The following DNAH17 variants were observed in gnomAD, a reference collection of about 807,000 sequenced individuals.
The protein encoded by DNAH17 is axonemal beta dynein heavy chain 17.
In DNAH17, 376 loss-of-function variants were observed where a neutral mutation model predicts 485.6. The ratio of observed to expected loss-of-function variants is 0.77; its 90% CI spans 0.71 to 0.84. The LOEUF (loss-of-function observed/expected upper bound fraction) is 0.84, where lower values mean the gene tolerates loss of function less well. Ranked by LOEUF, DNAH17 falls within the 40% of genes least tolerant of loss-of-function variation. The pLI is 0.00. For missense variants in DNAH17, 6,370 were observed against 5,839.3 expected (o/e 1.09, Z -2.96); for synonymous variants, 3,031 against 2,405.9 (o/e 1.26, Z -7.60).
chr17:78,571,872 C>T, intron 3 of DNAH17, 90 bp from the exon 4 acceptor site: 1 of 1,267,566 alleles, frequency 7.9e-7, no homozygotes, highest in Non-Finnish European at 1.1e-6. Context: ...GCCCACCAAT[C>T]CCAAACCACC....
chr17:78,555,277 T>C (rs1308228686), intron 14 of DNAH17, among the ~76,000 whole-genome samples: 1 of 152,140 alleles, frequency 6.6e-6, no homozygotes, highest in Non-Finnish European at 1.5e-5. Context: ...CAGTGGTCTC[T>C]TCCCAGTCGA....
At position 78,440,902 on chromosome 17, in the gene DNAH17, C is replaced by T; in HGVS notation, c.11677+149G>A. On this transcript the variant is annotated intron_variant, in intron 72 of 80. Coordinates refer to ENST00000389840, the MANE Select transcript of DNAH17 (RefSeq NM_173628.4). ...AGGCCTCACAACTCGTGTTATTTTC[C>T]TGTTCTTGATCATTGCCATCCTACC... 4.1e-6 allele frequency: 4 copies of T among 976,108 alleles called. 1 individual carries two copies. The highest frequency in any genetic ancestry group is 2.2e-4 in the Middle Eastern group (1 of 4,560). The allele number at this position is 976,108 out of a possible 1,614,324, so 60.5% of individuals were successfully genotyped here. A position where few individuals can be genotyped will look rare whatever the true frequency, so the allele number is the denominator to read the frequency against.
At chr17:78,484,820 TCACCGCCCC>T (rs541707708) in intron 48 of DNAH17, 39 bp downstream of exon 48, 1 of 1,208,776 alleles carries the variant, frequency 8.3e-7, no homozygotes, top group African/African-American at 1.7e-5. Context: ...GGCCCCGCCC[TCACCGCCCC>T]GGGGCCACGC....
intron 54 of DNAH17, among the ~76,000 whole-genome samples, chr17:78,471,450 C>CT (rs1354000292): frequency 6.6e-6 from 1 of 152,192 alleles, no homozygotes; most frequent in East Asian, 1.9e-4. Context: ...ACGAATCACT[C>CT]TTCTCATTTC....
At chr17:78,491,658 G>C (rs990615187) in intron 42 of DNAH17, 88 bp from the exon 43 acceptor site, 13 of 1,506,552 alleles carry the variant, frequency 8.6e-6, no homozygotes, top group African/African-American at 1.4e-5. Flanking sequence ...TCTCTCTCTG[G>C]GAGGGAGCCT....
intron 65 of DNAH17, among the ~76,000 whole-genome samples, chr17:78,452,363 C>T (rs73380049): frequency 0.021 from 3,265 of 152,240 alleles, 113 homozygotes; most frequent in African/African-American, 0.074. Context: ...ACAATGCGCC[C>T]GGCCACACGT....
chr17:78,454,824 C>A, intron 63 of DNAH17, 119 bp from the exon 64 acceptor site: 1 of 837,882 alleles, frequency 1.2e-6, no homozygotes, highest in South Asian at 1.7e-5. Flanking sequence ...AGCAGGACGA[C>A]CTGGGAGAAG....
chr17:78,559,114 C>T (rs1339634685), intron 13 of DNAH17, among the ~76,000 whole-genome samples: 1 of 152,224 alleles, frequency 6.6e-6, no homozygotes, highest in African/African-American at 2.4e-5. Flanking sequence ...TTATAGCTGC[C>T]TTGACCAGCC....
Position 78,569,183 on chromosome 17 carries a change from G to T in DNAH17, c.1267C>A (p.Arg423Ser). The stretch of plus-strand genomic sequence containing the variant: ...GTTTTTACCTCAATGGTCTGGATGC[G>T]CTGGAAGAAGGAATTTATCCTGGAA... ...AFSRINSFFQRIQTIEELYKT... is the reference protein window; with the variant it reads ...AFSRINSFFQSIQTIEELYKT... Residue 423 changes from arginine to serine, a missense_variant, in exon 9 of 81, where the codon CGC becomes AGC. Arg to Ser is a moderately radical substitution (Grantham distance 110). Coordinates refer to ENST00000389840, the MANE Select transcript of DNAH17 (RefSeq NM_173628.4). 1 of 1,605,082 alleles carries T rather than the reference G, an allele frequency of 6.2e-7. No individual in the cohort carries two copies.
At chr17:78,447,414 G>A (rs1164591382) in intron 69 of DNAH17, among the ~76,000 whole-genome samples, 2 of 152,280 alleles carry the variant, frequency 1.3e-5, no homozygotes, top group African/African-American at 2.4e-5. Flanking sequence ...GGCAGGGTCT[G>A]GGTCATTTTG....
At chr17:78,429,952 G>A (rs1409281341) in intron 75 of DNAH17, among the ~76,000 whole-genome samples, 1 of 152,134 alleles carries the variant, frequency 6.6e-6, no homozygotes, top group South Asian at 2.1e-4. Flanking sequence ...TCTGACCTAG[G>A]CTGCCCGGGC....
chr17:78,428,718 G>A lies in DNAH17; in HGVS notation c.12406-11C>T. On this transcript the variant is annotated splice_polypyrimidine_tract_variant and intron_variant, in intron 76 of 80. Transcript: ENST00000389840. ...GTATTCGTGGTAACCCTGAAAAAGA[G>A]GGCAGTTTGTAAGCAGAGGCAAAGC... 3 of 1,612,736 alleles carry A rather than the reference G, an allele frequency of 1.9e-6. No individual in the cohort carries two copies. The highest frequency in any genetic ancestry group is 2.5e-6 in the Non-Finnish European group (3 of 1,178,930).
In DNAH17 at chr17:78,468,796, G is replaced by A. The variant is rs1039855366; in HGVS notation, c.8599C>T (p.Gln2867Ter). ...AGGTCATTGATCAGCACCAGAAACTGCTCCTCGGCCACCTGGGAGTCTGTC... is the reference window on the plus strand; with the variant it reads ...AGGTCATTGATCAGCACCAGAAACTACTCCTCGGCCACCTGGGAGTCTGTC... The part of the protein sequence containing the change: ...LMTDSQVAEE[Q>*]FLVLINDLLA... The change falls in exon 55 of 81, where the codon CAG (glutamine) becomes TAG (stop). Residue 2867 changes from glutamine (Q) to a stop codon, truncating the protein, a stop_gained. Coordinates refer to ENST00000389840, the MANE Select transcript of DNAH17 (RefSeq NM_173628.4). LOFTEE classifies it high-confidence loss of function. 1 of 1,614,048 alleles carries A rather than the reference G, an allele frequency of 6.2e-7. No individual in the cohort carries two copies. Among genetic ancestry groups the A allele is most frequent in the East Asian group, 2.2e-5 (1 of 44,892 alleles).
intron 61 of DNAH17, 123 bp downstream of exon 61, chr17:78,458,878 C>T: frequency 8.4e-7 from 1 of 1,194,062 alleles, no homozygotes; most frequent in Non-Finnish European, 1.2e-6. Flanking sequence ...CCTGCATCCT[C>T]TTGCACTGCT....
At chr17:78,506,063 T>C (rs1217577797) in intron 30 of DNAH17, among the ~76,000 whole-genome samples, 1 of 152,174 alleles carries the variant, frequency 6.6e-6, no homozygotes, top group Non-Finnish European at 1.5e-5. Flanking sequence ...AGTCTATTCT[T>C]GCATATCCCT....
Position 78,462,937 on chromosome 17 carries a change from G to A in DNAH17, c.9081C>T (p.Tyr3027=), listed in dbSNP as rs771867411. 16 of 1,613,856 alleles carry A rather than the reference G, an allele frequency of 9.9e-6. No homozygotes were observed. Among genetic ancestry groups the A allele is most frequent in the Non-Finnish European group, 8.5e-7 (1 of 1,179,900 alleles). ...PKTFLEQIKL[Y]QNLLAKKRTE... The stretch of plus-strand genomic sequence containing the variant: ...TTCTCTTCTTGGCCAGCAGGTTCTG[G>A]TACAGTTTGATCTGCTCCAGAAAGG... Residue 3027 remains tyrosine, a synonymous_variant, in exon 57 of 81, where the codon TAC becomes TAT. Coordinates refer to ENST00000389840, the MANE Select transcript of DNAH17 (RefSeq NM_173628.4).
intron 54 of DNAH17, 57 bp from the exon 55 acceptor site, chr17:78,468,940 C>T: frequency 6.4e-7 from 1 of 1,562,550 alleles, no homozygotes; most frequent in Non-Finnish European, 8.6e-7. Flanking sequence ...CAATTAGAGA[C>T]ATCCTCCACA....
At position 78,459,949 on chromosome 17, in the gene DNAH17, T is replaced by A. The variant is rs1420231091; in HGVS notation, c.9488A>T (p.Asn3163Ile). ...CAGAATCATGACGGCGGCGGTGACGTTGACCACAGCATCCGGCGGGGACCC... is the reference window on the plus strand; with the variant it reads ...CAGAATCATGACGGCGGCGGTGACGATGACCACAGCATCCGGCGGGGACCC... ...SFGSPPDAVV[N>I]VTAAVMILTA... Residue 3163 changes from asparagine to isoleucine, a missense_variant, in exon 60 of 81, where the codon AAC becomes ATC. Asn to Ile is a moderately radical substitution (Grantham distance 149). Coordinates refer to ENST00000389840, the MANE Select transcript of DNAH17 (RefSeq NM_173628.4). 6.2e-7 allele frequency: 1 copy of A among 1,613,668 alleles called. No individual in the cohort carries two copies. The highest frequency in any genetic ancestry group is 1.1e-5 in the South Asian group (1 of 91,066).
At chr17:78,497,148 C>T (rs935491038) in intron 37 of DNAH17, 3 of 152,198 alleles carry the variant, frequency 2.0e-5, no homozygotes, top group East Asian at 1.9e-4. Context: ...CGGCCACCTC[C>T]GTATCAGACA....
Sources: allele counts gnomAD v4.1 joint callset (sites outside exome capture counted in the v4.1 genomes callset), GRCh38; gene constraint gnomAD v4.1.1; transcripts MANE v1.5; gene names NCBI Gene and HGNC (gene_info 2026-07-23, HGNC 2026-07-21).